The following GREB1 variants were observed in gnomAD, a reference collection of about 807,000 sequenced individuals.
The protein encoded by GREB1 is protein GREB1.
Under a neutral mutation model 200.7 loss-of-function variants are expected in GREB1, and 106 were observed. The observed-to-expected ratio is 0.53, with a 90% CI of 0.45 to 0.62. The LOEUF is 0.62. GREB1 is among the 20% of genes least tolerant of loss of function. GREB1 has a pLI of 0.00. For missense variants in GREB1, 2,243 were observed against 2,556.8 expected, an observed-to-expected ratio of 0.88 and a Z score of 2.65; for synonymous variants, 1,132 against 1,092.4, an observed-to-expected ratio of 1.04 and a Z score of -0.72.
intron 17 of GREB1, among the ~76,000 whole-genome samples, chr2:11,607,595 T>TATATAC (rs1553373777): frequency 7.3e-6 from 1 of 136,478 alleles, no homozygotes; most frequent in Non-Finnish European, 1.5e-5. Context: ...CATATATACA[T>TATATAC]ATATATACAT....
rs890081493 is a variant in GREB1, at chr2:11,633,120, G to A, written c.4991+57G>A. The stretch of plus-strand genomic sequence containing the variant: ...ACCCTACGAATGATGACCAACGAGT[G>A]TGCCCTCTTTGTATGGGGAATGTGC... On this transcript the variant is annotated intron_variant, in intron 28 of 32. Transcript: ENST00000381486. The surrounding 1 kb of genome is among the most constrained non-coding windows in gnomAD (Gnocchi z 4.1). The A allele has an allele frequency of 7.1e-6, 11 of 1,558,234 alleles. No homozygotes were observed. In the African/African-American group the frequency reaches 1.2e-4, roughly 17 times the overall value.
intron 1 of GREB1, among the ~76,000 whole-genome samples, chr2:11,497,880 G>T (rs1173990488): frequency 6.8e-6 from 1 of 146,696 alleles, no homozygotes; most frequent in Non-Finnish European, 1.5e-5. Context: ...CTAAGTACTA[G>T]TCCTTTGTTG....
At chr2:11,554,407 A>G (rs765585385) in intron 1 of GREB1, among the ~76,000 whole-genome samples, 1 of 152,212 alleles carries the variant, frequency 6.6e-6, no homozygotes, top group Non-Finnish European at 1.5e-5. Context: ...TCTACCAGTT[A>G]TTATACCTTC....
At chr2:11,546,809 G>A (rs1347550962) in intron 1 of GREB1, among the ~76,000 whole-genome samples, 2 of 152,124 alleles carry the variant, frequency 1.3e-5, no homozygotes, top group Admixed American at 1.3e-4. Context: ...GAACTTTAGA[G>A]GAATGCCTTA....
In GREB1 at chr2:11,634,116, C is replaced by T. The variant is rs139425767; in HGVS notation, c.4992-15C>T. On this transcript the variant is annotated splice_polypyrimidine_tract_variant and intron_variant, in intron 28 of 32. Coordinates refer to ENST00000381486, the MANE Select transcript of GREB1 (RefSeq NM_014668.4). ...GTGTGTCAGCCTAGGGACTCACTCTCCCTCCTTGGAGCAGGGAGTTCTCCT... is the reference window on the plus strand; with the variant it reads ...GTGTGTCAGCCTAGGGACTCACTCTTCCTCCTTGGAGCAGGGAGTTCTCCT... 8.7e-6 allele frequency: 14 copies of T among 1,612,696 alleles called. No individual in the cohort carries two copies. In the African/African-American group the frequency reaches 1.2e-4, roughly 14 times the overall value.
chr2:11,614,978 G>A lies in GREB1; in HGVS notation c.3123-113G>A, dbSNP rs1414975577. The stretch of plus-strand genomic sequence containing the variant: ...GCTTTTCCACTTGTACGAGTCCTTG[G>A]GTCCTCACCAGGAAGGTGGGGTGTG... On this transcript the variant is annotated intron_variant, in intron 19 of 32. Coordinates refer to ENST00000381486, the MANE Select transcript of GREB1 (RefSeq NM_014668.4). 3.8e-6 allele frequency: 3 copies of A among 780,510 alleles called. No individual in the cohort carries two copies. The East Asian group carries it at 7.4e-5, about 19-fold the overall frequency. The allele number at this position is 780,510 out of a possible 1,614,324, so 48.3% of individuals were successfully genotyped here.
At chr2:11,573,919 G>C (rs1678569918) in intron 4 of GREB1, among the ~76,000 whole-genome samples, 1 of 152,190 alleles carries the variant, frequency 6.6e-6, no homozygotes, top group Non-Finnish European at 1.5e-5. Flanking sequence ...TGACAGCCTG[G>C]CCTTGGCAAG....
chr2:11,597,243 A>G lies in GREB1; in HGVS notation c.1955-538A>G, dbSNP rs58233899. Among the ~76,000 whole-genome samples the G allele has an allele frequency of 0.029, 4,451 of 152,224 alleles. 234 individuals are homozygous for G. Among genetic ancestry groups the G allele is most frequent in the African/African-American group, 0.1 (4,222 of 41,500 alleles). ...ACAGGACATCTTTTAGTGTCACAGT[A>G]GACCTGATACCTAATTTAAAATTCA... is the stretch of plus-strand genomic sequence containing the variant. On this transcript the variant is annotated intron_variant, in intron 13 of 32. Coordinates refer to ENST00000381486, the MANE Select transcript of GREB1 (RefSeq NM_014668.4). This position sits in a 1 kb window ranked among gnomAD's most constrained non-coding sequence, Gnocchi z 4.1.
chr2:11,542,153 T>A (rs1028734505), intron 1 of GREB1, among the ~76,000 whole-genome samples: 3 of 152,186 alleles, frequency 2.0e-5, no homozygotes, highest in African/African-American at 7.2e-5. Context: ...AATGAAATAT[T>A]TCTGCCAAGG....
In GREB1 at chr2:11,534,047, TA is replaced by T. The variant is rs1487032631; in HGVS notation, c.-366del. 2 of 152,188 alleles carry T rather than the reference TA, an allele frequency of 1.3e-5. No homozygotes were observed. Among genetic ancestry groups the T allele is most frequent in the African/African-American group, 4.8e-5 (2 of 41,438 alleles). The allele number at this position is 152,188 out of a possible 1,614,324, so 9.4% of individuals were successfully genotyped here. On this transcript the variant is annotated 5_prime_UTR_variant, in exon 1 of 33. The change creates a new upstream start codon in the 5' untranslated region. Transcript: ENST00000381486. ...AAGGGCAGCACCGTTTTACACATGC[TA>T]AATGGTTAAGAGATACATAAATACT...
intron 1 of GREB1, among the ~76,000 whole-genome samples, chr2:11,500,797 T>C (rs1673015413): frequency 6.6e-6 from 1 of 152,196 alleles, no homozygotes; most frequent in South Asian, 2.1e-4. Context: ...CTTTACATAT[T>C]GACAGCAGGG....
intron 29 of GREB1, among the ~76,000 whole-genome samples, 166 bp downstream of exon 29, chr2:11,634,515 A>G (rs532175145): frequency 6.6e-6 from 1 of 152,352 alleles, no homozygotes; most frequent in South Asian, 2.1e-4. Context: ...GTATTCGCAG[A>G]TCATTCAGCT....
intron 14 of GREB1, 46 bp from the exon 15 acceptor site, chr2:11,598,634 C>T (rs749018957): frequency 6.4e-7 from 1 of 1,564,538 alleles, no homozygotes; most frequent in African/African-American, 1.4e-5. Context: ...GAATGAAACC[C>T]AGTGCGCATG....
At chr2:11,559,333 C>T (rs1229940382) in intron 2 of GREB1, among the ~76,000 whole-genome samples, 1 of 152,234 alleles carries the variant, frequency 6.6e-6, no homozygotes, top group Non-Finnish European at 1.5e-5. Context: ...GAGCTTGTTG[C>T]TGGCGGATCT....
At chr2:11,524,761 C>A (rs771224980) in intron 1 of GREB1, among the ~76,000 whole-genome samples, 4 of 152,116 alleles carry the variant, frequency 2.6e-5, no homozygotes, top group Non-Finnish European at 5.9e-5. Flanking sequence ...CCCTGTCCAT[C>A]CCCCCACTTC....
intron 1 of GREB1, among the ~76,000 whole-genome samples, chr2:11,497,279 G>A (rs948782247): frequency 1.3e-5 from 2 of 152,106 alleles, no homozygotes; most frequent in African/African-American, 4.8e-5. Flanking sequence ...GAACTTCATC[G>A]AGGTTGTTTT....
chr2:11,593,898 C>T (rs1387110296), intron 11 of GREB1, among the ~76,000 whole-genome samples: 1 of 152,214 alleles, frequency 6.6e-6, no homozygotes, highest in African/African-American at 2.4e-5. Flanking sequence ...GGGAGGCAGA[C>T]ACCAAACACG....
intron 17 of GREB1, among the ~76,000 whole-genome samples, chr2:11,607,745 T>C (rs572063497): frequency 2.3e-4 from 35 of 152,040 alleles, no homozygotes; most frequent in Non-Finnish European, 4.1e-4. Context: ...TGATACATAG[T>C]TACTGTGTTT....
rs1220557187 is a variant in GREB1, at chr2:11,600,942, C to A, written c.2476C>A (p.His826Asn). The part of the protein sequence containing the change: ...TSFPYALQTQ[H>N]TLISPYNEIH... ...CTTCCCGTATGCACTGCAGACACAG[C>A]ACACCCTCATCAGCCCCTACAACGA... The change falls in exon 16 of 33, where the codon CAC (histidine) becomes AAC (asparagine). Residue 826 changes from histidine to asparagine, a missense_variant. Physicochemically the swap from His to Asn is moderately conservative, Grantham distance 68. Coordinates refer to ENST00000381486, the MANE Select transcript of GREB1 (RefSeq NM_014668.4). 6.2e-7 allele frequency: 1 copy of A among 1,614,166 alleles called. No individual in the cohort carries two copies. Among genetic ancestry groups the A allele is most frequent in the Admixed American group, 1.7e-5 (1 of 60,018 alleles).
Sources: gnomAD v4.1 joint callset for allele counts (sites outside exome capture counted in the v4.1 genomes callset) on GRCh38, gnomAD v4.1.1 for gene constraint, Gnocchi (gnomAD v3.1) non-coding constraint, MANE v1.5 for transcripts, NCBI Gene and HGNC (gene_info 2026-07-23, HGNC 2026-07-21) for gene names.